The following GRAMD2B variants were observed in gnomAD, a reference collection of about 807,000 sequenced individuals.
GRAMD2B encodes the protein GRAM domain-containing protein 2B.
Under a neutral mutation model 59.2 loss-of-function variants are expected in GRAMD2B, and 41 were observed. The observed-to-expected ratio is 0.69, with a 90% CI of 0.54 to 0.90. GRAMD2B has a LOEUF of 0.90. Among genes scored for constraint, GRAMD2B ranks in the 40% least tolerant of loss-of-function variants. GRAMD2B has a pLI of 0.00. For missense variants in GRAMD2B, 424 were observed against 500.5 expected (o/e 0.85, Z 1.46); for synonymous variants, 161 against 182.7 (o/e 0.88, Z 0.96).
At chr5:126,399,216 T>G (rs946497191) in intron 1 of GRAMD2B, among the ~76,000 whole-genome samples, 4 of 152,200 alleles carry the variant, frequency 2.6e-5, no homozygotes, top group African/African-American at 7.2e-5. Flanking sequence ...ACTATTATAG[T>G]ATTGCTCTTA....
At position 126,465,470 on chromosome 5, in the gene GRAMD2B, G is replaced by C; in HGVS notation, c.128G>C (p.Arg43Thr). The change falls in exon 2 of 14, where the codon AGG (arginine) becomes ACG (threonine). Residue 43 changes from arginine (R) to threonine (T), a missense_variant. By Grantham distance (71) the Arg-to-Thr change is moderately conservative. Coordinates refer to ENST00000285689, the MANE Select transcript of GRAMD2B (RefSeq NM_023927.4). ...GTGGAGGAGAAAAAGAAAGCCTGCA[G>C]GTCGCCAACAGCCCAATCCCCTACC... ...NGVEEKKKAC[R>T]SPTAQSPTPS... The C allele has an allele frequency of 6.2e-7, 1 of 1,614,148 alleles. No homozygotes were observed. The highest frequency in any genetic ancestry group is 8.5e-7 in the Non-Finnish European group (1 of 1,180,016).
intron 5 of GRAMD2B, among the ~76,000 whole-genome samples, chr5:126,473,679 G>A (rs1303204319): frequency 2.0e-5 from 3 of 152,148 alleles, no homozygotes; most frequent in Non-Finnish European, 2.9e-5. Context: ...AGCACTCAAA[G>A]TTGTTTATAT....
At chr5:126,466,072 G>A (rs536514569) in intron 2 of GRAMD2B, among the ~76,000 whole-genome samples, 1 of 152,310 alleles carries the variant, frequency 6.6e-6, no homozygotes, top group East Asian at 1.9e-4. Flanking sequence ...CCATTTGGTA[G>A]AGACTAAAGT....
At chr5:126,376,645 G>A (rs558103339) in intron 1 of GRAMD2B, among the ~76,000 whole-genome samples, 1 of 152,284 alleles carries the variant, frequency 6.6e-6, no homozygotes, top group East Asian at 1.9e-4. Flanking sequence ...TGGGCTCAGC[G>A]CCTGTTCACA....
chr5:126,484,584 C>CTTTTT, intron 10 of GRAMD2B, 60 bp downstream of exon 10: 1 of 1,267,840 alleles, frequency 7.9e-7, no homozygotes, highest in Non-Finnish European at 1.1e-6. Flanking sequence ...CTGTTTGTAA[C>CTTTTT]TTTTTTTTTT....
chr5:126,360,141 T>C lies in GRAMD2B; in HGVS notation c.-191T>C, dbSNP rs141100161. On this transcript the variant is annotated 5_prime_UTR_variant, in exon 1 of 14. Transcript: ENST00000513040. ...CTGTGGTCATTTGCTTTCTCACACA[T>C]GTGGGTTTCAAGTGCGGCTGGTGCC... 131 of 574,360 alleles carry C rather than the reference T, an allele frequency of 2.3e-4. No homozygotes were observed. The African/African-American group carries it at 2.3e-3, about 10-fold the overall frequency. The allele number at this position is 574,360 out of a possible 1,614,324, so 35.6% of individuals were successfully genotyped here.
At chr5:126,484,546 GGGGT>G in intron 10 of GRAMD2B, 22 bp downstream of exon 10, 2 of 1,596,760 alleles carry the variant, frequency 1.3e-6, no homozygotes, top group African/African-American at 1.4e-5. Context: ...ATGTCTCAGG[GGGGT>G]GGGTTTAGAA....
chr5:126,370,109 C>T (rs959759081), upstream of GRAMD2B, among the ~76,000 whole-genome samples: 7 of 152,172 alleles, frequency 4.6e-5, no homozygotes, highest in African/African-American at 1.7e-4. Context: ...CTAAGGTGAC[C>T]ACCTGCCCCA....
intron 1 of GRAMD2B, among the ~76,000 whole-genome samples, chr5:126,390,292 A>G (rs928931549): frequency 6.6e-6 from 1 of 152,248 alleles, no homozygotes; most frequent in African/African-American, 2.4e-5. Context: ...TGAGACATGT[A>G]TATAAAAGTT....
intron 1 of GRAMD2B, among the ~76,000 whole-genome samples, chr5:126,394,188 T>G (rs892454841): frequency 6.7e-6 from 1 of 149,554 alleles, no homozygotes; most frequent in African/African-American, 2.5e-5. Context: ...GGCAGGAGAA[T>G]GGAGTGAACC....
At position 126,483,509 on chromosome 5, in the gene GRAMD2B, G is replaced by C. The variant is rs768019813; in HGVS notation, c.782G>C (p.Arg261Thr). The change falls in exon 9 of 14, where the codon AGA becomes ACA. Residue 261 changes from arginine (R) to threonine (T), a missense_variant. By Grantham distance (71) the Arg-to-Thr change is moderately conservative. Transcript: ENST00000285689. ...FSDLDGVVQQ[R>T]RQDMEGYSSS... The stretch of plus-strand genomic sequence containing the variant: ...GATCTGGATGGAGTGGTTCAACAAA[G>C]AAGGCAAGACATGGAAGGATATAGC... The C allele has an allele frequency of 1.2e-6, 2 of 1,613,350 alleles. No individual in the cohort carries two copies.
chr5:126,473,444 G>A, intron 5 of GRAMD2B, 76 bp downstream of exon 5: 1 of 452,670 alleles, frequency 2.2e-6, no homozygotes. Context: ...CTTAAATTTA[G>A]CTATATTTGT....
At chr5:126,421,676 A>T (rs1759738113), upstream of GRAMD2B, among the ~76,000 whole-genome samples, 1 of 152,246 alleles carries the variant, frequency 6.6e-6, no homozygotes, top group Non-Finnish European at 1.5e-5. Flanking sequence ...CAAGCAGGCT[A>T]CAAAAAGATG....
chr5:126,427,580 A>T (rs1760832883), intron 1 of GRAMD2B, among the ~76,000 whole-genome samples: 1 of 152,224 alleles, frequency 6.6e-6, no homozygotes, highest in African/African-American at 2.4e-5. Context: ...CAACAAGAAC[A>T]TTTACCTTAA....
chr5:126,376,762 A>G (rs1755222024), intron 1 of GRAMD2B, among the ~76,000 whole-genome samples: 1 of 152,162 alleles, frequency 6.6e-6, no homozygotes, highest in Non-Finnish European at 1.5e-5. Context: ...CACTGTTTTA[A>G]GGGGATATAT....
Position 126,480,715 on chromosome 5 carries a change from G to T in GRAMD2B, c.735+8G>T, listed in dbSNP as rs1771553913. On this transcript the variant is annotated splice_region_variant and intron_variant, in intron 8 of 13. Transcript: ENST00000285689. ...CCTTCATCTCTGCCTCTGGTAAGTT[G>T]CCCACATAACTATCTAAATGCAAAA... The T allele has an allele frequency of 6.2e-7, 1 of 1,610,664 alleles. No homozygotes were observed. Among genetic ancestry groups the T allele is most frequent in the Non-Finnish European group, 8.5e-7 (1 of 1,177,034 alleles).
At chr5:126,379,288 C>T (rs1233771813) in intron 1 of GRAMD2B, among the ~76,000 whole-genome samples, 3 of 152,106 alleles carry the variant, frequency 2.0e-5, no homozygotes, top group Non-Finnish European at 1.5e-5. Context: ...ACTACATTTT[C>T]TGTATCCACT....
At chr5:126,461,640 A>G (rs927573547) in intron 1 of GRAMD2B, among the ~76,000 whole-genome samples, 1 of 152,078 alleles carries the variant, frequency 6.6e-6, no homozygotes, top group East Asian at 1.9e-4. Flanking sequence ...TCTCTACTAA[A>G]AATACAAAAA....
chr5:126,417,776 C>G (rs1391602674), intron 1 of GRAMD2B, among the ~76,000 whole-genome samples: 1 of 152,198 alleles, frequency 6.6e-6, no homozygotes, highest in Non-Finnish European at 1.5e-5. Context: ...TTCTCTCCAA[C>G]ACACTCTCCT....
Sources: allele counts gnomAD v4.1 joint callset (sites outside exome capture counted in the v4.1 genomes callset), GRCh38; gene constraint gnomAD v4.1.1; transcripts MANE v1.5; gene names NCBI Gene and HGNC (gene_info 2026-07-23, HGNC 2026-07-21).